The following UCHL3 variants were observed in gnomAD, a reference collection of about 807,000 sequenced individuals.
UCHL3 encodes the protein ubiquitin C-terminal hydrolase L3.
A neutral mutation model predicts 35.8 loss-of-function variants in UCHL3; 22 were observed. The ratio of observed to expected loss-of-function variants is 0.61; its 90% CI spans 0.44 to 0.88. The LOEUF is 0.88. Ranked by LOEUF, UCHL3 falls within the 40% of genes least tolerant of loss-of-function variation. The probability of loss-of-function intolerance (pLI) is 0.00; values close to 1 mark genes in which losing one functional copy is unlikely to be tolerated. For synonymous variants in UCHL3, 90 were observed against 92.8 expected (o/e 0.97, Z 0.17); for missense variants, 229 against 276.9 (o/e 0.83, Z 1.23).
At chr13:75,579,538 CGTCT>C (rs2032121063) in intron 6 of UCHL3, among the ~76,000 whole-genome samples, 1 of 151,984 alleles carries the variant, frequency 6.6e-6, no homozygotes. Flanking sequence ...TCTCTCCCTC[CGTCT>C]GTCTTCCCTT....
Position 75,567,309 on chromosome 13 carries a change from T to C in UCHL3, c.423T>C (p.Tyr141=), listed in dbSNP as rs747161304. 15 of 1,614,014 alleles carry C rather than the reference T, an allele frequency of 9.3e-6. 1 individual carries two copies. Among genetic ancestry groups the C allele is most frequent in the Non-Finnish European group, 1.1e-5 (13 of 1,179,984 alleles). The change falls in exon 5 of 9, where the codon TAT becomes TAC. Residue 141 remains tyrosine (Y), a synonymous_variant. Coordinates refer to ENST00000377595, the MANE Select transcript of UCHL3 (RefSeq NM_006002.5). ...AACGAGCCAGATACCTGGAGAACTA[T>C]GATGTCGGTACCTTCTTTCCGTTTT... is the stretch of plus-strand genomic sequence containing the variant. ...PEERARYLEN[Y]DAIRVTHETS...
At chr13:75,602,559 A>G (rs970822573) in intron 7 of UCHL3, among the ~76,000 whole-genome samples, 1 of 152,200 alleles carries the variant, frequency 6.6e-6, no homozygotes, top group Non-Finnish European at 1.5e-5. Context: ...CAGCGTATGC[A>G]TTTACTGAAA....
chr13:75,552,546 A>G (rs1238246082), intron 2 of UCHL3, among the ~76,000 whole-genome samples: 1 of 152,244 alleles, frequency 6.6e-6, no homozygotes, highest in East Asian at 1.9e-4. Context: ...GCTAGTAACC[A>G]TGTGTCTCAG....
Position 75,563,741 on chromosome 13 carries a change from C to T in UCHL3, c.183+2860C>T, listed in dbSNP as rs1453109839. ...ATTTTGTGTCCTTTGACCTACATCACATCACATCCCTGCTAACCTCTGTTT... is the reference window on the plus strand; with the variant it reads ...ATTTTGTGTCCTTTGACCTACATCATATCACATCCCTGCTAACCTCTGTTT... On this transcript the variant is annotated intron_variant, in intron 3 of 8. Coordinates refer to ENST00000377595, the MANE Select transcript of UCHL3 (RefSeq NM_006002.5). Among the ~76,000 whole-genome samples the T allele has an allele frequency of 6.6e-5, 10 of 152,288 alleles. No homozygotes were observed. In the East Asian group the frequency reaches 1.7e-3, roughly 26 times the overall value.
intron 6 of UCHL3, among the ~76,000 whole-genome samples, chr13:75,594,339 T>A (rs894656731): frequency 5.3e-5 from 8 of 152,242 alleles, no homozygotes; most frequent in South Asian, 4.1e-4. Flanking sequence ...GCTATTTTCC[T>A]GCATTATTCA....
intron 2 of UCHL3, among the ~76,000 whole-genome samples, chr13:75,557,296 A>G (rs1260885884): frequency 6.6e-6 from 1 of 152,178 alleles, no homozygotes; most frequent in Non-Finnish European, 1.5e-5. Context: ...AGCTCCTCAC[A>G]TACAAGGGTC....
intron 7 of UCHL3, among the ~76,000 whole-genome samples, chr13:75,603,870 A>G (rs2032852748): frequency 6.6e-6 from 1 of 152,132 alleles, no homozygotes; most frequent in Non-Finnish European, 1.5e-5. Context: ...AAGTTTCTTT[A>G]GGATTTTGAA....
intron 6 of UCHL3, among the ~76,000 whole-genome samples, chr13:75,576,249 A>C (rs1202098815): frequency 4.0e-5 from 6 of 151,698 alleles, no homozygotes; most frequent in Admixed American, 6.6e-5. Flanking sequence ...TATTTTTCTG[A>C]TGTGAAGTCT....
chr13:75,576,037 C>T (rs567406715), intron 6 of UCHL3, among the ~76,000 whole-genome samples: 2 of 152,256 alleles, frequency 1.3e-5, no homozygotes, highest in Admixed American at 1.3e-4. Context: ...CAGGTGTGAG[C>T]CACCGCCCCA....
chr13:75,586,231 AAGT>A (rs2032318755), intron 6 of UCHL3, among the ~76,000 whole-genome samples: 1 of 152,090 alleles, frequency 6.6e-6, no homozygotes, highest in African/African-American at 2.4e-5. Context: ...ACATGAAGTT[AAGT>A]AGACTTCAGA....
At chr13:75,557,961 A>ATT (rs201586247) in intron 2 of UCHL3, among the ~76,000 whole-genome samples, 35 of 140,294 alleles carry the variant, frequency 2.5e-4, no homozygotes, top group Non-Finnish European at 3.9e-4. Flanking sequence ...CATTTTAATG[A>ATT]TTTTTTTTTT....
intron 3 of UCHL3, among the ~76,000 whole-genome samples, 177 bp downstream of exon 3, chr13:75,561,058 G>T (rs1301733308): frequency 6.6e-6 from 1 of 152,046 alleles, no homozygotes; most frequent in East Asian, 1.9e-4. Context: ...AGCCTTTCGA[G>T]TAGCTGGGAC....
intron 7 of UCHL3, among the ~76,000 whole-genome samples, chr13:75,603,627 A>G (rs2032842188): frequency 6.6e-6 from 1 of 152,222 alleles, no homozygotes; most frequent in African/African-American, 2.4e-5. Flanking sequence ...TGTGATAGTC[A>G]TATAAACATA....
At chr13:75,602,495 C>T (rs1489926915) in intron 7 of UCHL3, among the ~76,000 whole-genome samples, 1 of 152,164 alleles carries the variant, frequency 6.6e-6, no homozygotes, top group African/African-American at 2.4e-5. Flanking sequence ...TTTCCTGCCT[C>T]TTTTAGAAGG....
chr13:75,591,571 T>C (rs1261428356), intron 6 of UCHL3, among the ~76,000 whole-genome samples: 1 of 152,196 alleles, frequency 6.6e-6, no homozygotes, highest in Non-Finnish European at 1.5e-5. Flanking sequence ...TTATATGCTT[T>C]TATATAATGT....
chr13:75,597,193 T>C (rs1008827032), intron 7 of UCHL3, among the ~76,000 whole-genome samples: 2 of 151,926 alleles, frequency 1.3e-5, no homozygotes, highest in African/African-American at 4.8e-5. Context: ...GAGTAGAAAA[T>C]AATGATTAAG....
chr13:75,550,069 G>A (rs1461267192), intron 2 of UCHL3, 82 bp downstream of exon 2: 1 of 1,594,530 alleles, frequency 6.3e-7, no homozygotes, highest in Non-Finnish European at 8.6e-7. Context: ...CCACCTCCAC[G>A]CTTCCAGGGA....
chr13:75,596,527 A>G (rs534229368), intron 7 of UCHL3, among the ~76,000 whole-genome samples: 1 of 152,324 alleles, frequency 6.6e-6, no homozygotes, highest in African/African-American at 2.4e-5. Flanking sequence ...CTGGGACTTA[A>G]CAGACACATT....
intron 2 of UCHL3, among the ~76,000 whole-genome samples, chr13:75,560,123 T>A (rs1359854594): frequency 1.3e-5 from 2 of 152,208 alleles, no homozygotes; most frequent in Non-Finnish European, 2.9e-5. Context: ...TACAATGCAT[T>A]AGATACATTT....
Sources: allele counts gnomAD v4.1 joint callset (sites outside exome capture counted in the v4.1 genomes callset), GRCh38; gene constraint gnomAD v4.1.1; transcripts MANE v1.5; gene names NCBI Gene and HGNC (gene_info 2026-07-23, HGNC 2026-07-21).